Variants in LRRC4C observed in about 807,000 individuals in gnomAD.
LRRC4C encodes the protein leucine rich repeat containing 4C.
A neutral mutation model predicts 33.6 loss-of-function variants in LRRC4C; 5 were observed. That is an observed-to-expected ratio of 0.15 (90% CI 0.08 to 0.31). The LOEUF (loss-of-function observed/expected upper bound fraction) is 0.31, where lower values mean the gene tolerates loss of function less well. LRRC4C is among the 10% of genes least tolerant of loss of function. The pLI, the probability that LRRC4C is intolerant of heterozygous loss-of-function variation, is 1.00. For synonymous variants in LRRC4C, 329 were observed against 302.0 expected, an observed-to-expected ratio of 1.09 and a Z score of -0.93; for missense variants, 560 against 796.7, an observed-to-expected ratio of 0.70 and a Z score of 3.58.
At chr11:40,426,456 C>T (rs1320027115) in intron 3 of LRRC4C, among the ~76,000 whole-genome samples, 5 of 151,946 alleles carry the variant, frequency 3.3e-5, no homozygotes, top group African/African-American at 1.2e-4. Flanking sequence ...TGCCCTGTCC[C>T]TAGACATGCA....
chr11:41,046,995 A>G (rs1248987336), intron 1 of LRRC4C, among the ~76,000 whole-genome samples: 1 of 152,156 alleles, frequency 6.6e-6, no homozygotes, highest in African/African-American at 2.4e-5. Context: ...AGAAGAAACC[A>G]AAGAAAAAAT....
chr11:40,813,072 A>G (rs968725493), intron 2 of LRRC4C, among the ~76,000 whole-genome samples: 1 of 152,182 alleles, frequency 6.6e-6, no homozygotes, highest in Non-Finnish European at 1.5e-5. Context: ...ATTTCATGCA[A>G]GGTTGAGTTT....
At chr11:40,896,523 G>T (rs562548712) in intron 2 of LRRC4C, among the ~76,000 whole-genome samples, 3 of 145,718 alleles carry the variant, frequency 2.1e-5, no homozygotes, top group African/African-American at 7.3e-5. Context: ...AGAAATTTGG[G>T]TCTGTACAAT....
intron 1 of LRRC4C, among the ~76,000 whole-genome samples, chr11:41,328,336 CCTCA>C (rs1379814562): frequency 6.6e-6 from 1 of 152,112 alleles, no homozygotes; most frequent in African/African-American, 2.4e-5. Flanking sequence ...GTTCTTTGTG[CCTCA>C]CTGTCTAAAA....
intron 1 of LRRC4C, among the ~76,000 whole-genome samples, chr11:41,134,139 C>G (rs1178472694): frequency 6.6e-6 from 1 of 152,008 alleles, no homozygotes; most frequent in Admixed American, 6.6e-5. Flanking sequence ...ACTGTGTCAC[C>G]CAGACTGAAG....
chr11:41,340,747 CATT>C (rs1223853711), intron 1 of LRRC4C, among the ~76,000 whole-genome samples: 1 of 152,080 alleles, frequency 6.6e-6, no homozygotes, highest in Non-Finnish European at 1.5e-5. Context: ...GAGCTTATAG[CATT>C]GTTGTGGAGA....
intron 1 of LRRC4C, among the ~76,000 whole-genome samples, chr11:41,371,997 C>A (rs779763293): frequency 4.1e-4 from 62 of 152,102 alleles, no homozygotes; most frequent in Admixed American, 2.7e-3. Context: ...ATTAGCCAGG[C>A]GTAGTGGCTG....
intron 2 of LRRC4C, among the ~76,000 whole-genome samples, chr11:40,876,270 T>C (rs948545443): frequency 6.7e-6 from 1 of 148,614 alleles, no homozygotes; most frequent in African/African-American, 2.5e-5. Flanking sequence ...GTTTTTTTTT[T>C]TTTTTTTTTT....
intron 2 of LRRC4C, among the ~76,000 whole-genome samples, chr11:40,722,522 A>G (rs1165606780): frequency 6.6e-6 from 1 of 152,180 alleles, no homozygotes; most frequent in Non-Finnish European, 1.5e-5. Flanking sequence ...AGCACCCAGA[A>G]ACAAAGACAA....
chr11:40,605,225 G>A (rs1435036637), intron 3 of LRRC4C, among the ~76,000 whole-genome samples: 1 of 151,964 alleles, frequency 6.6e-6, no homozygotes. Flanking sequence ...TTTTTAATGG[G>A]CTTAAAATTA....
At chr11:41,010,750 C>T (rs377327475) in intron 1 of LRRC4C, among the ~76,000 whole-genome samples, 1 of 152,174 alleles carries the variant, frequency 6.6e-6, no homozygotes, top group East Asian at 1.9e-4. Flanking sequence ...CACTGAGAAT[C>T]AGGACTTTCC....
intron 1 of LRRC4C, among the ~76,000 whole-genome samples, chr11:41,021,954 T>G (rs1856012642): frequency 6.6e-6 from 1 of 151,926 alleles, no homozygotes; most frequent in Admixed American, 6.6e-5. Context: ...CATTGAAATT[T>G]TTGAAAGAAA....
intron 1 of LRRC4C, among the ~76,000 whole-genome samples, chr11:41,254,610 G>T (rs1193603325): frequency 1.3e-5 from 2 of 151,904 alleles, no homozygotes; most frequent in African/African-American, 2.4e-5. Flanking sequence ...TTTCCCTTCA[G>T]AAATTTGTAT....
At chr11:40,487,980 A>T (rs796248768) in intron 3 of LRRC4C, among the ~76,000 whole-genome samples, 30 of 152,228 alleles carry the variant, frequency 2.0e-4, no homozygotes, top group African/African-American at 6.5e-4. Context: ...ATCAACATCC[A>T]CATTAAGGAT....
chr11:40,602,053 G>A (rs1460304151), intron 3 of LRRC4C, among the ~76,000 whole-genome samples: 2 of 151,892 alleles, frequency 1.3e-5, no homozygotes, highest in Non-Finnish European at 2.9e-5. Flanking sequence ...AATTTAGCTG[G>A]GTGTGGTGGC....
chr11:40,730,542 G>C (rs1947514298), intron 2 of LRRC4C, among the ~76,000 whole-genome samples: 1 of 149,062 alleles, frequency 6.7e-6, no homozygotes, highest in Non-Finnish European at 1.5e-5. Flanking sequence ...AAAGGCAATA[G>C]ATGAGTTGAA....
intron 6 of LRRC4C, among the ~76,000 whole-genome samples, chr11:40,117,350 A>T (rs1010965670): frequency 2.0e-5 from 3 of 152,210 alleles, no homozygotes; most frequent in Non-Finnish European, 4.4e-5. Flanking sequence ...AGAGATTCTC[A>T]TATACCAACT....
intron 4 of LRRC4C, among the ~76,000 whole-genome samples, chr11:40,303,938 T>C (rs774405289): frequency 6.6e-6 from 1 of 152,334 alleles, no homozygotes; most frequent in African/African-American, 2.4e-5. Context: ...TCTTAAACCA[T>C]AATTGCAGGA....
chr11:40,321,174 CATGAT>C (rs1945829059), intron 3 of LRRC4C, among the ~76,000 whole-genome samples: 1 of 152,078 alleles, frequency 6.6e-6, no homozygotes, highest in African/African-American at 2.4e-5. Flanking sequence ...CAGAATTTAG[CATGAT>C]ATGATGATTT....
Sources: allele counts gnomAD v4.1 joint callset (sites outside exome capture counted in the v4.1 genomes callset), GRCh38; gene constraint gnomAD v4.1.1; transcripts MANE v1.5; gene names NCBI Gene and HGNC (gene_info 2026-07-23, HGNC 2026-07-21).